KLHL2: variants seen among roughly 807,000 people sequenced by gnomAD.
The protein encoded by KLHL2 is kelch like family member 2.
In KLHL2, 15 loss-of-function variants were observed where a neutral mutation model predicts 75.8. The ratio of observed to expected loss-of-function variants is 0.20; its 90% CI spans 0.13 to 0.30. The LOEUF (loss-of-function observed/expected upper bound fraction) is 0.30, where lower values mean the gene tolerates loss of function less well. Among genes scored for constraint, KLHL2 ranks in the 10% least tolerant of loss-of-function variants. The pLI, the probability that KLHL2 is intolerant of heterozygous loss-of-function variation, is 1.00. For missense variants in KLHL2, 381 were observed against 741.0 expected (o/e 0.51, Z 5.64); for synonymous variants, 214 against 251.9 (o/e 0.85, Z 1.42).
intron 5 of KLHL2, chr4:165,278,664 C>T (rs1743377706): frequency 1.9e-6 from 3 of 1,599,568 alleles, no homozygotes; most frequent in Non-Finnish European, 2.6e-6. Context: ...CAGCGAATAA[C>T]AGCACCAGCT....
chr4:165,261,906 G>A (rs1386453103), intron 4 of KLHL2, among the ~76,000 whole-genome samples: 2 of 152,086 alleles, frequency 1.3e-5, no homozygotes, highest in African/African-American at 4.8e-5. Flanking sequence ...AATTTCTGAA[G>A]GAACTTAGAT....
At chr4:165,250,911 C>G (rs1252461747) in intron 4 of KLHL2, among the ~76,000 whole-genome samples, 1 of 152,054 alleles carries the variant, frequency 6.6e-6, no homozygotes, top group Non-Finnish European at 1.5e-5. Context: ...AGACCACACT[C>G]GGGTGATTGT....
At chr4:165,293,247 C>T (rs1386131251) in intron 5 of KLHL2, among the ~76,000 whole-genome samples, 4 of 152,078 alleles carry the variant, frequency 2.6e-5, no homozygotes, top group African/African-American at 7.2e-5. Context: ...GAGGACGTAT[C>T]GGATATTAAA....
intron 5 of KLHL2, among the ~76,000 whole-genome samples, chr4:165,266,380 C>T (rs1442706323): frequency 6.6e-6 from 1 of 152,200 alleles, no homozygotes; most frequent in Non-Finnish European, 1.5e-5. Context: ...GTGTTTTAGT[C>T]ATGATGTCTT....
intron 5 of KLHL2, among the ~76,000 whole-genome samples, chr4:165,282,827 A>G (rs1664579377): frequency 6.6e-6 from 1 of 151,234 alleles, no homozygotes; most frequent in Non-Finnish European, 1.5e-5. Context: ...AAGTGTTTGT[A>G]TTAGTCCATT....
chr4:165,299,155 C>T (rs1328907301), intron 7 of KLHL2, among the ~76,000 whole-genome samples: 2 of 152,046 alleles, frequency 1.3e-5, no homozygotes, highest in Non-Finnish European at 2.9e-5. Flanking sequence ...ATTATCTAAA[C>T]TTTGTTTCTT....
At chr4:165,241,335 T>C (rs1191289699) in intron 4 of KLHL2, among the ~76,000 whole-genome samples, 1 of 152,246 alleles carries the variant, frequency 6.6e-6, no homozygotes, top group African/African-American at 2.4e-5. Context: ...TTTCCTGCTT[T>C]GTATATTTTT....
At chr4:165,309,607 T>C (rs953720406) in intron 9 of KLHL2, among the ~76,000 whole-genome samples, 1 of 152,184 alleles carries the variant, frequency 6.6e-6, no homozygotes, top group African/African-American at 2.4e-5. Flanking sequence ...AATGAATGAG[T>C]GTGGCAGTGT....
rs552614334 is a variant in KLHL2 at position 165,233,260 on chromosome 4, G to A, written c.259+4347G>A. On this transcript the variant is annotated intron_variant, in intron 3 of 14. Transcript: ENST00000226725. ...ATGGGCCTATTTAGAGCAAGGCCAA[G>A]TTGTTTAACTGTTACTTAAGAAAGA... Among the ~76,000 whole-genome samples the A allele has an allele frequency of 1.5e-3, 234 of 152,362 alleles. 1 individual carries two copies. The highest frequency in any genetic ancestry group is 6.6e-3 in the South Asian group (32 of 4,828).
At chr4:165,268,027 G>A (rs746131984) in intron 5 of KLHL2, among the ~76,000 whole-genome samples, 1 of 152,032 alleles carries the variant, frequency 6.6e-6, no homozygotes, top group Non-Finnish European at 1.5e-5. Flanking sequence ...GCTTCTTCCT[G>A]GTTTAGTCTT....
chr4:165,252,931 T>A (rs532371329), intron 4 of KLHL2, among the ~76,000 whole-genome samples: 2 of 152,226 alleles, frequency 1.3e-5, no homozygotes, highest in Non-Finnish European at 2.9e-5. Context: ...GTTCCATGAC[T>A]TCCCTTGGGT....
intron 5 of KLHL2, among the ~76,000 whole-genome samples, chr4:165,277,182 T>C (rs963045414): frequency 1.3e-5 from 2 of 152,178 alleles, no homozygotes; most frequent in African/African-American, 4.8e-5. Context: ...GAATATAATG[T>C]GCTCTTAATT....
At chr4:165,307,810 G>C (rs1467295239) in intron 9 of KLHL2, among the ~76,000 whole-genome samples, 1 of 152,102 alleles carries the variant, frequency 6.6e-6, no homozygotes, top group African/African-American at 2.4e-5. Flanking sequence ...TGTTGTTCTA[G>C]TACCTTTACA....
chr4:165,295,924 C>T (rs1159835847), intron 6 of KLHL2, among the ~76,000 whole-genome samples: 1 of 152,070 alleles, frequency 6.6e-6, no homozygotes, highest in African/African-American at 2.4e-5. Flanking sequence ...GGTTTTAAGC[C>T]AGAGGAGAAA....
At position 165,262,480 on chromosome 4, in the gene KLHL2, A is replaced by G. The variant is rs763693591; in HGVS notation, c.382-717A>G. Among the ~76,000 whole-genome samples, 284 of 152,358 alleles carry G rather than the reference A, an allele frequency of 1.9e-3. 4 individuals carry two copies. Among genetic ancestry groups the G allele is most frequent in the Middle Eastern group, 0.014 (4 of 294 alleles). ...CTGGGGCCACTCCTTCCCCACAGAT[A>G]ACTGAAGTGCATGACTGCTTGAACT... On this transcript the variant is annotated intron_variant, in intron 4 of 14. Transcript: ENST00000226725.
intron 1 of KLHL2, among the ~76,000 whole-genome samples, chr4:165,217,993 T>A (rs1737669312): frequency 1.3e-5 from 2 of 152,174 alleles, no homozygotes; most frequent in Non-Finnish European, 2.9e-5. Flanking sequence ...CATTCTGACT[T>A]TCTTTGACAT....
intron 5 of KLHL2, among the ~76,000 whole-genome samples, chr4:165,280,751 T>G (rs1263338222): frequency 2.6e-5 from 4 of 152,252 alleles, no homozygotes; most frequent in African/African-American, 7.2e-5. Flanking sequence ...GTAAACTACA[T>G]GCAGTCTCTG....
chr4:165,267,269 T>G (rs2111261707), intron 5 of KLHL2, among the ~76,000 whole-genome samples: 1 of 152,350 alleles, frequency 6.6e-6, no homozygotes. Flanking sequence ...AGAGATAATT[T>G]GACTTCCTCT....
chr4:165,258,797 A>C (rs1245869082), intron 4 of KLHL2, among the ~76,000 whole-genome samples: 1 of 152,164 alleles, frequency 6.6e-6, no homozygotes, highest in Non-Finnish European at 1.5e-5. Context: ...CACATTCTTC[A>C]TTTTCAGTGA....
Sources: allele counts gnomAD v4.1 joint callset (sites outside exome capture counted in the v4.1 genomes callset), GRCh38; gene constraint gnomAD v4.1.1; transcripts MANE v1.5; gene names NCBI Gene and HGNC (gene_info 2026-07-23, HGNC 2026-07-21).